The following MYH3 variants were observed in gnomAD, a reference collection of about 807,000 sequenced individuals.
MYH3 encodes the protein myosin heavy chain 3.
MYH3 carries 130 observed loss-of-function variants against 238.0 expected under a neutral mutation model. The ratio of observed to expected loss-of-function variants is 0.55; its 90% CI spans 0.47 to 0.63. The LOEUF (loss-of-function observed/expected upper bound fraction) is 0.63. Ranked by LOEUF, MYH3 falls within the 30% of genes least tolerant of loss-of-function variation. The pLI, the probability that MYH3 is intolerant of heterozygous loss-of-function variation, is 0.00. For missense variants in MYH3, 1,853 were observed against 2,374.9 expected (o/e 0.78, Z 4.57); for synonymous variants, 880 against 924.1 (o/e 0.95, Z 0.86).
rs2074356086 is a variant in MYH3, at chr17:10,649,602, G to A, written c.617C>T (p.Ala206Val). 6.2e-7 allele frequency: 1 copy of A among 1,614,098 alleles called. No individual in the cohort carries two copies. Among genetic ancestry groups the A allele is most frequent in the East Asian group, 2.2e-5 (1 of 44,886 alleles). The change falls in exon 7 of 41, where the codon GCC becomes GTC. Residue 206 changes from alanine (A) to valine (V), a missense_variant. By Grantham distance (64) the Ala-to-Val change is moderately conservative. Coordinates refer to ENST00000583535, the MANE Select transcript of MYH3 (RefSeq NM_002470.4). ...CTTCATTTTGGAGTCCTTCTTCTTG[G>A]CCAGGTCCCCAGTAGCTGCAATTGT... ...FATIAATGDL[A>V]KKKDSKMKGT...
In MYH3 at chr17:10,642,730, T is replaced by C; in HGVS notation, c.1582-7A>G. On this transcript the variant is annotated splice_region_variant and splice_polypyrimidine_tract_variant and intron_variant, in intron 15 of 40. Coordinates refer to ENST00000583535, the MANE Select transcript of MYH3 (RefSeq NM_002470.4). The surrounding 1 kb of genome is among the most constrained non-coding windows in gnomAD (Gnocchi z 5.4). ...TGGAGAAGATGCCCATAGGCTGGAT[T>C]GAAGGCAAGGCAAAGTGCAGAGAGG... 6.2e-7 allele frequency: 1 copy of C among 1,614,168 alleles called. No individual in the cohort carries two copies. The highest frequency in any genetic ancestry group is 1.1e-5 in the South Asian group (1 of 91,080).
At position 10,637,794 on chromosome 17, in the gene MYH3, C is replaced by T. The variant is rs1238036077; in HGVS notation, c.3856+15G>A. On this transcript the variant is annotated intron_variant, in intron 28 of 40. Transcript: ENST00000583535. ...AGGAGGTTTTGGCCCCACGGGTTTT[C>T]TGCACGTGGCTTACCAGCCTCGGTC... 6.2e-7 allele frequency: 1 copy of T among 1,613,890 alleles called. No individual in the cohort carries two copies. The highest frequency in any genetic ancestry group is 8.5e-7 in the Non-Finnish European group (1 of 1,180,020).
chr17:10,628,765 G>T, intron 40 of MYH3, 86 bp from the exon 41 acceptor site: 1 of 1,433,698 alleles, frequency 7.0e-7, no homozygotes, highest in Non-Finnish European at 9.8e-7. Flanking sequence ...CATCAGAGTT[G>T]CTTGCCTACT....
chr17:10,648,908 C>T (rs2074348932), intron 7 of MYH3, among the ~76,000 whole-genome samples: 3 of 152,142 alleles, frequency 2.0e-5, no homozygotes, highest in Admixed American at 2.0e-4. Flanking sequence ...CTCCTAACCT[C>T]AGGTGATCCA....
At chr17:10,672,354 T>C in the MYH3 span, 1 of 152,210 alleles carries the variant, frequency 6.6e-6, no homozygotes, top group East Asian at 1.9e-4. Flanking sequence ...AAAAGTATTA[T>C]GGCTCAGCAA....
chr17:10,660,871 G>T (rs1412669355), upstream of MYH3, among the ~76,000 whole-genome samples: 2 of 151,852 alleles, frequency 1.3e-5, no homozygotes, highest in Admixed American at 1.3e-4. Context: ...TGTAATCCCA[G>T]CTATTCGAGA....
At chr17:10,653,974 G>C (rs377629415) in intron 3 of MYH3, among the ~76,000 whole-genome samples, 4 of 151,782 alleles carry the variant, frequency 2.6e-5, no homozygotes, top group East Asian at 2.0e-4. Flanking sequence ...TTATTTTTTG[G>C]GGGGACCGAG....
At position 10,654,134 on chromosome 17, in the gene MYH3, ATTTT is replaced by A; in HGVS notation, c.204+723_204+726del. Among the ~76,000 whole-genome samples the A allele has an allele frequency of 7.9e-6, 1 of 126,226 alleles. No homozygotes were observed. The highest frequency in any genetic ancestry group is 2.7e-5 in the African/African-American group (1 of 37,148). 82.8% of individuals were successfully genotyped at this position (126,226 alleles called of 152,430 possible). On this transcript the variant is annotated intron_variant, in intron 3 of 40. Transcript: ENST00000583535. This position sits in a 1 kb window ranked among gnomAD's most constrained non-coding sequence, Gnocchi z 4.5. The stretch of plus-strand genomic sequence containing the variant: ...AGTATTTCCTTTACTTGTCTCTTTT[ATTTT>A]CTTTCTTTCTTTCTCTTTCTTTCTT...
chr17:10,637,948 GA>G lies in MYH3; in HGVS notation c.3730-14del, dbSNP rs770876210. ...TTTCCAGATTTGCCTGAAGGATTCA[GA>G]AAGGGGAGCAAAGTCAGTCAGCAAA... is the stretch of plus-strand genomic sequence containing the variant. On this transcript the variant is annotated splice_polypyrimidine_tract_variant and intron_variant, in intron 27 of 40. Transcript: ENST00000583535. 3.7e-6 allele frequency: 6 copies of G among 1,614,176 alleles called. No homozygotes were observed. In the South Asian group the frequency reaches 6.6e-5, roughly 18 times the overall value.
Position 10,639,196 on chromosome 17 carries a change from A to G in MYH3, c.3103-7T>C, listed in dbSNP as rs1384256570. The G allele has an allele frequency of 6.2e-7, 1 of 1,614,154 alleles. No homozygotes were observed. ...GTTCTAGGGAGCTTTCCAGCTGAAAAAGGCACCATTTCCTTTTGGGAACAA... is the reference window on the plus strand; with the variant it reads ...GTTCTAGGGAGCTTTCCAGCTGAAAGAGGCACCATTTCCTTTTGGGAACAA... On this transcript the variant is annotated splice_region_variant and splice_polypyrimidine_tract_variant and intron_variant, in intron 24 of 40. Coordinates refer to ENST00000583535, the MANE Select transcript of MYH3 (RefSeq NM_002470.4).
At chr17:10,671,845 C>T in the MYH3 span, among the ~76,000 whole-genome samples, 1 of 152,142 alleles carries the variant, frequency 6.6e-6, no homozygotes. Context: ...TCCCAATGTG[C>T]TGGGATTACA....
the MYH3 span, among the ~76,000 whole-genome samples, chr17:10,668,339 G>A: frequency 6.6e-6 from 1 of 151,512 alleles, no homozygotes; most frequent in Non-Finnish European, 1.5e-5. Context: ...AAGTTGTAGT[G>A]GGCCGAGATC....
intron 28 of MYH3, 83 bp downstream of exon 28, chr17:10,637,725 CA>C (rs2074228182): frequency 1.3e-6 from 2 of 1,580,096 alleles, no homozygotes; most frequent in African/African-American, 2.7e-5. Context: ...CTCCCTCAAA[CA>C]CACCCTGCCC....
At chr17:10,664,661 C>T in the MYH3 span, among the ~76,000 whole-genome samples, 1 of 152,118 alleles carries the variant, frequency 6.6e-6, no homozygotes, top group Non-Finnish European at 1.5e-5. Flanking sequence ...AGAGTCAGGT[C>T]CAAGACACTC....
rs2074262247 is a variant in MYH3 at position 10,640,642 on chromosome 17, A to G, written c.2210T>C (p.Ile737Thr). 3 of 1,614,202 alleles carry G rather than the reference A, an allele frequency of 1.9e-6. No homozygotes were observed. The highest frequency in any genetic ancestry group is 2.5e-6 in the Non-Finnish European group (3 of 1,180,014). Residue 737 changes from isoleucine to threonine, a missense_variant, in exon 20 of 41, where the codon ATT becomes ACT. Physicochemically the swap from Ile to Thr is moderately conservative, Grantham distance 89. Coordinates refer to ENST00000583535, the MANE Select transcript of MYH3 (RefSeq NM_002470.4). ...NASAIPEGQF[I>T]DSKKACEKLL... is the part of the protein sequence containing the mutation. ...CTTTTCACAGGCTTTCTTGCTGTCA[A>G]TGAATTGTCCCTCAGGGATTGCACT... is the stretch of plus-strand genomic sequence containing the variant.
At chr17:10,671,553 C>T in the MYH3 span, among the ~76,000 whole-genome samples, 2 of 150,140 alleles carry the variant, frequency 1.3e-5, no homozygotes, top group Non-Finnish European at 3.0e-5. Context: ...TGTCCTTTGC[C>T]CTGCTTTTTC....
Position 10,638,141 on chromosome 17 carries a change from G to A in MYH3, c.3631C>T (p.Leu1211=). ...TCCAGCTTCTGCTTGACCCGCTGCA[G>A]GTTGTCAATCTGCTCCCCAAGCTCG... ...VAELGEQIDN[L]QRVKQKLEKE... is the part of the protein sequence containing the mutation. Residue 1211 remains leucine (L), a synonymous_variant, in exon 27 of 41, where the codon CTG becomes TTG. Transcript: ENST00000583535. The A allele has an allele frequency of 6.2e-7, 1 of 1,613,804 alleles. No homozygotes were observed. The highest frequency in any genetic ancestry group is 8.5e-7 in the Non-Finnish European group (1 of 1,179,990).
Position 10,644,671 on chromosome 17 carries a change from C to A in MYH3, c.1173G>T (p.Leu391=). The stretch of plus-strand genomic sequence containing the variant: ...AAGCTTTTAGGAGGTCCGAAGAGTT[C>A]AGGCCCATCAGATAGGCTGTTTTGT... ...VADKTAYLMG[L]NSSDLLKALC... The change falls in exon 13 of 41, where the codon CTG becomes CTT. Residue 391 remains leucine (L), a synonymous_variant. Coordinates refer to ENST00000583535, the MANE Select transcript of MYH3 (RefSeq NM_002470.4). 6.2e-7 allele frequency: 1 copy of A among 1,613,976 alleles called. No homozygotes were observed. Among genetic ancestry groups the A allele is most frequent in the South Asian group, 1.1e-5 (1 of 91,064 alleles).
the MYH3 span, among the ~76,000 whole-genome samples, chr17:10,672,217 T>C: frequency 6.6e-6 from 1 of 152,182 alleles, no homozygotes; most frequent in Non-Finnish European, 1.5e-5. Context: ...TTCCAATATT[T>C]TTAATAATCT....
Sources: gnomAD v4.1 joint callset for allele counts (sites outside exome capture counted in the v4.1 genomes callset) on GRCh38, gnomAD v4.1.1 for gene constraint, Gnocchi (gnomAD v3.1) non-coding constraint, MANE v1.5 for transcripts, NCBI Gene and HGNC (gene_info 2026-07-23, HGNC 2026-07-21) for gene names.